PRKCE: variants seen among roughly 807,000 people sequenced by gnomAD.
The protein encoded by PRKCE is protein kinase C epsilon, also known as protein kinase C epsilon type.
A neutral mutation model predicts 85.4 loss-of-function variants in PRKCE; 16 were observed. That is an observed-to-expected ratio of 0.19 (90% confidence interval 0.13 to 0.28). The LOEUF (loss-of-function observed/expected upper bound fraction) is 0.28. Ranked by LOEUF, PRKCE falls within the 10% of genes least tolerant of loss-of-function variation. The pLI is 1.00. For synonymous variants in PRKCE, 388 were observed against 371.5 expected (o/e 1.04, Z -0.51); for missense variants, 573 against 975.2 (o/e 0.59, Z 5.49).
intron 11 of PRKCE, among the ~76,000 whole-genome samples, chr2:46,116,641 C>A (rs147112087): frequency 1.1e-4 from 16 of 152,204 alleles, no homozygotes; most frequent in African/African-American, 3.9e-4. Context: ...GCTTGTTAGC[C>A]AAGTTCATGG....
intron 1 of PRKCE, among the ~76,000 whole-genome samples, chr2:45,804,456 T>A (rs932433841): frequency 6.6e-6 from 1 of 152,196 alleles, no homozygotes; most frequent in South Asian, 2.1e-4. Context: ...TGAGAGCTCC[T>A]GGCCTGGTTG....
At chr2:45,832,600 C>T (rs547880530) in intron 1 of PRKCE, among the ~76,000 whole-genome samples, 35 of 152,232 alleles carry the variant, frequency 2.3e-4, no homozygotes, top group African/African-American at 6.0e-4. Flanking sequence ...CGTGAGCCAC[C>T]GCACCCGGCC....
At chr2:45,863,960 T>A (rs1008961679) in intron 2 of PRKCE, among the ~76,000 whole-genome samples, 1 of 152,230 alleles carries the variant, frequency 6.6e-6, no homozygotes, top group African/African-American at 2.4e-5. Flanking sequence ...AGTCTGACCC[T>A]GCCATTGGTG....
chr2:45,995,978 G>A (rs1436655173), intron 6 of PRKCE, among the ~76,000 whole-genome samples: 1 of 152,124 alleles, frequency 6.6e-6, no homozygotes, highest in African/African-American at 2.4e-5. Flanking sequence ...CAAATACTGA[G>A]TCTTTCTATC....
intron 11 of PRKCE, among the ~76,000 whole-genome samples, chr2:46,114,186 C>T (rs1486261715): frequency 1.1e-4 from 16 of 151,978 alleles, no homozygotes; most frequent in Non-Finnish European, 2.2e-4. Flanking sequence ...GTGGGTATGT[C>T]GAGAGGCACA....
At chr2:45,984,720 C>T in intron 6 of PRKCE, 40 bp downstream of exon 6, 1 of 1,572,738 alleles carries the variant, frequency 6.4e-7, no homozygotes, top group Non-Finnish European at 8.6e-7. Flanking sequence ...CCTGCATGTC[C>T]CCTTCCTTGC....
At chr2:46,089,068 G>C (rs1378526605) in intron 11 of PRKCE, among the ~76,000 whole-genome samples, 1 of 152,080 alleles carries the variant, frequency 6.6e-6, no homozygotes, top group Non-Finnish European at 1.5e-5. Context: ...CTTTTGCCCT[G>C]TTGGCTTCTA....
Position 46,004,411 on chromosome 2 carries a change from C to T in PRKCE, c.967-131C>T, listed in dbSNP as rs1704988433. The T allele has an allele frequency of 1.2e-5, 9 of 768,214 alleles. No individual in the cohort carries two copies. The highest frequency in any genetic ancestry group is 4.4e-5 in the Admixed American group (2 of 45,650). The allele number at this position is 768,214 out of a possible 1,614,324, so 47.6% of individuals were successfully genotyped here. A position where few individuals can be genotyped will look rare whatever the true frequency, so the allele number is the denominator to read the frequency against. ...TACTTTGGCGATGGCTGCAAGAGGA[C>T]AGAGATCTACTGAATTCCTGCTGCT... is the stretch of plus-strand genomic sequence containing the variant. On this transcript the variant is annotated intron_variant, in intron 7 of 14. Coordinates refer to ENST00000306156, the MANE Select transcript of PRKCE (RefSeq NM_005400.3). The surrounding 1 kb of genome is among the most constrained non-coding windows in gnomAD (Gnocchi z 4.1).
chr2:45,846,628 CTG>C (rs893422806), intron 2 of PRKCE, among the ~76,000 whole-genome samples: 7 of 152,264 alleles, frequency 4.6e-5, no homozygotes, highest in Non-Finnish European at 1.0e-4. Context: ...AGGAGGCACC[CTG>C]TTTCTTTCTG....
At position 46,089,103 on chromosome 2, in the gene PRKCE, GCCTTCCCATTGT is replaced by G. The variant is rs570244266; in HGVS notation, c.1592+2745_1592+2756del. ...ATGAGCCATTCTCTTCTCCCCACTT[GCCTTCCCATTGT>G]CCTAACCATTCTTATCACAGTGGCT... On this transcript the variant is annotated intron_variant, in intron 11 of 14. Transcript: ENST00000306156. Among the ~76,000 whole-genome samples the G allele has an allele frequency of 1.7e-3, 263 of 152,166 alleles. 3 individuals carry two copies. Among genetic ancestry groups the G allele is most frequent in the African/African-American group, 6.2e-3 (257 of 41,502 alleles).
chr2:45,884,998 T>A (rs1695175428), intron 2 of PRKCE, among the ~76,000 whole-genome samples: 1 of 78,098 alleles, frequency 1.3e-5, no homozygotes. Context: ...TATATATATA[T>A]ATATTTGTTG....
At chr2:45,811,993 G>A (rs1226827795) in intron 1 of PRKCE, among the ~76,000 whole-genome samples, 3 of 152,080 alleles carry the variant, frequency 2.0e-5, no homozygotes, top group African/African-American at 4.8e-5. Context: ...CCACCGCAGG[G>A]GAATACTCTT....
intron 1 of PRKCE, among the ~76,000 whole-genome samples, chr2:45,728,449 C>G (rs549376190): frequency 3.1e-4 from 47 of 152,308 alleles, no homozygotes; most frequent in African/African-American, 1.0e-3. Context: ...CCCAATAGTC[C>G]CATGCCCAAA....
chr2:46,077,624 G>T (rs1175285081), intron 10 of PRKCE, among the ~76,000 whole-genome samples: 1 of 152,182 alleles, frequency 6.6e-6, no homozygotes, highest in Non-Finnish European at 1.5e-5. Context: ...AGGCCTAGTA[G>T]AATAAGGGCT....
At chr2:45,900,781 C>G (rs544877189) in intron 2 of PRKCE, among the ~76,000 whole-genome samples, 15 of 152,172 alleles carry the variant, frequency 9.9e-5, no homozygotes, top group Non-Finnish European at 1.5e-4. Context: ...GTGTAATTTA[C>G]CACTGTAAAA....
At chr2:46,122,817 G>A (rs1238986299) in intron 11 of PRKCE, among the ~76,000 whole-genome samples, 1 of 151,080 alleles carries the variant, frequency 6.6e-6, no homozygotes, top group Non-Finnish European at 1.5e-5. Flanking sequence ...AAGCAAAAAG[G>A]TCCAATGGTC....
chr2:45,874,055 G>T (rs961696950), intron 2 of PRKCE, among the ~76,000 whole-genome samples: 3 of 152,236 alleles, frequency 2.0e-5, no homozygotes, highest in Admixed American at 6.5e-5. Context: ...AATGTGAGGA[G>T]GGTTAGATGA....
At chr2:45,892,528 G>A (rs938373724) in intron 2 of PRKCE, among the ~76,000 whole-genome samples, 4 of 152,048 alleles carry the variant, frequency 2.6e-5, no homozygotes, top group Non-Finnish European at 5.9e-5. Context: ...AGGGAGGAGG[G>A]GGACAAGTGC....
intron 2 of PRKCE, among the ~76,000 whole-genome samples, chr2:45,941,664 A>G (rs958765320): frequency 3.3e-5 from 5 of 152,158 alleles, no homozygotes; most frequent in Non-Finnish European, 7.3e-5. Flanking sequence ...GGACCTGCTG[A>G]GCTAAAGATG....
Sources: allele counts gnomAD v4.1 joint callset (sites outside exome capture counted in the v4.1 genomes callset), GRCh38; gene constraint gnomAD v4.1.1; non-coding constraint Gnocchi (gnomAD v3.1); transcripts MANE v1.5; gene names NCBI Gene and HGNC (gene_info 2026-07-23, HGNC 2026-07-21).